HECTD4: variants seen among roughly 807,000 people sequenced by gnomAD.
HECTD4 encodes the protein HECT domain E3 ubiquitin protein ligase 4.
HECTD4 carries 114 observed loss-of-function variants against 471.5 expected under a neutral mutation model. The observed-to-expected ratio is 0.24, with a 90% CI of 0.21 to 0.28. The LOEUF (loss-of-function observed/expected upper bound fraction) is 0.28, where lower values mean the gene tolerates loss of function less well. Among genes scored for constraint, HECTD4 ranks in the 10% least tolerant of loss-of-function variants. HECTD4 has a pLI of 1.00. For missense variants in HECTD4, 3,866 were observed against 5,651.5 expected (o/e 0.68, Z 10.13); for synonymous variants, 2,012 against 2,256.0 (o/e 0.89, Z 3.07).
chr12:112,192,093 G>A (rs1349672935), intron 59 of HECTD4, among the ~76,000 whole-genome samples: 1 of 152,160 alleles, frequency 6.6e-6, no homozygotes. Flanking sequence ...AACGATGGAG[G>A]CTTCAAAAAA....
chr12:112,378,314 G>A (rs541161765), intron 1 of HECTD4, among the ~76,000 whole-genome samples: 2 of 152,156 alleles, frequency 1.3e-5, no homozygotes, highest in African/African-American at 4.8e-5. Flanking sequence ...CGCCTCCCGG[G>A]TTCACACCAT....
At chr12:112,299,562 G>T (rs575716917) in intron 7 of HECTD4, among the ~76,000 whole-genome samples, 38 of 152,230 alleles carry the variant, frequency 2.5e-4, no homozygotes, top group Admixed American at 1.6e-3. Flanking sequence ...GTCTGAGGCT[G>T]CAGTGAGCCG....
intron 41 of HECTD4, 136 bp downstream of exon 41, chr12:112,229,561 AT>A: frequency 1.2e-6 from 1 of 821,014 alleles, no homozygotes; most frequent in Non-Finnish European, 2.0e-6. Context: ...AATTTCTCAG[AT>A]TCCTTATTTA....
chr12:112,171,415 C>A, intron 67 of HECTD4, 152 bp from the exon 68 acceptor site: 5 of 1,259,956 alleles, frequency 4.0e-6, no homozygotes, highest in Non-Finnish European at 5.4e-6. Context: ...GAGCGGCCCC[C>A]AATGTGCCTG....
At chr12:112,368,480 A>G (rs1451998595) in intron 1 of HECTD4, among the ~76,000 whole-genome samples, 3 of 152,228 alleles carry the variant, frequency 2.0e-5, no homozygotes, top group African/African-American at 7.2e-5. Context: ...AATTGATATT[A>G]TCTTTAAATA....
intron 54 of HECTD4, chr12:112,201,043 T>A (rs568180488): frequency 1.5e-4 from 87 of 566,344 alleles, no homozygotes; most frequent in Non-Finnish European, 2.2e-4. Flanking sequence ...AAACTTGCTA[T>A]GTGCTTTTCT....
rs1299969168 is a variant in HECTD4 at position 112,243,325 on chromosome 12, A to C, written c.4958+28T>G. ...AATGGCTCTGACCATTCTAGAAAGG[A>C]CAGTATAAACTAACAGAAACAACTA... On this transcript the variant is annotated intron_variant, in intron 32 of 75. Transcript: ENST00000682272. This position sits in a 1 kb window ranked among gnomAD's most constrained non-coding sequence, Gnocchi z 6.6. 2.5e-6 allele frequency: 4 copies of C among 1,595,918 alleles called. No individual in the cohort carries two copies. Among genetic ancestry groups the C allele is most frequent in the Non-Finnish European group, 3.4e-6 (4 of 1,168,242 alleles).
intron 1 of HECTD4, among the ~76,000 whole-genome samples, chr12:112,332,394 G>A (rs185473759): frequency 6.6e-6 from 1 of 151,864 alleles, no homozygotes; most frequent in Admixed American, 6.6e-5. Flanking sequence ...AAAATTAGCC[G>A]GTCCTGGTGG....
At chr12:112,168,002 G>GCAGC in intron 70 of HECTD4, 85 bp from the exon 71 acceptor site, 1 of 1,110,626 alleles carries the variant, frequency 9.0e-7, no homozygotes, top group Non-Finnish European at 1.4e-6. Flanking sequence ...GCTGGCTGGA[G>GCAGC]CGGCTACTCC....
At chr12:112,375,882 A>C (rs1029303706) in intron 1 of HECTD4, among the ~76,000 whole-genome samples, 1 of 151,796 alleles carries the variant, frequency 6.6e-6, no homozygotes, top group Non-Finnish European at 1.5e-5. Flanking sequence ...CACCCTGGCC[A>C]ATATGGCGAA....
At chr12:112,279,529 TAAG>T in intron 8 of HECTD4, 143 bp from the exon 9 acceptor site, 1 of 691,322 alleles carries the variant, frequency 1.4e-6, no homozygotes, top group Non-Finnish European at 2.3e-6. Flanking sequence ...GAAAACAGAA[TAAG>T]AAGTAATAGC....
intron 1 of HECTD4, among the ~76,000 whole-genome samples, chr12:112,358,979 T>C (rs985030579): frequency 6.6e-6 from 1 of 152,014 alleles, no homozygotes; most frequent in African/African-American, 2.4e-5. Context: ...ATCAAGACCA[T>C]CCTGGCTAAC....
chr12:112,313,263 T>A, intron 3 of HECTD4, 116 bp from the exon 4 acceptor site: 1 of 588,554 alleles, frequency 1.7e-6, no homozygotes, highest in Non-Finnish European at 2.6e-6. Context: ...TGTATAATAT[T>A]TTATACAAAT....
At chr12:112,255,032 C>T (rs1043689652) in intron 21 of HECTD4, among the ~76,000 whole-genome samples, 1 of 152,212 alleles carries the variant, frequency 6.6e-6, no homozygotes, top group African/African-American at 2.4e-5. Flanking sequence ...GGGCCTTTTG[C>T]TGACACCAGC....
intron 7 of HECTD4, among the ~76,000 whole-genome samples, chr12:112,297,319 G>A (rs369891941): frequency 1.3e-5 from 2 of 151,752 alleles, no homozygotes; most frequent in African/African-American, 4.8e-5. Flanking sequence ...GTGGATGTAG[G>A]TGCAGAGGGT....
At chr12:112,222,895 G>A (rs1200847438) in intron 44 of HECTD4, among the ~76,000 whole-genome samples, 2 of 152,124 alleles carry the variant, frequency 1.3e-5, no homozygotes, top group Non-Finnish European at 1.5e-5. Flanking sequence ...CAGGGAACTC[G>A]GGAAGGAGAG....
At chr12:112,182,711 T>C (rs2031721475) in intron 62 of HECTD4, among the ~76,000 whole-genome samples, 1 of 152,250 alleles carries the variant, frequency 6.6e-6, no homozygotes, top group African/African-American at 2.4e-5. Context: ...CCACCCCTGG[T>C]AGCCTCTCCA....
chr12:112,361,461 A>G (rs1202123770), intron 1 of HECTD4, among the ~76,000 whole-genome samples: 1 of 151,388 alleles, frequency 6.6e-6, no homozygotes, highest in Non-Finnish European at 1.5e-5. Flanking sequence ...TTTTGTAGAG[A>G]TAGGGTCTCA....
At position 112,382,386 on chromosome 12, in the gene HECTD4, G is replaced by A. The variant is rs2036915459; in HGVS notation, c.-258C>T. ...CTCAGGAGCAGGATCCGCCTCTGCC[G>A]CTCGGCAACCAACTGTCAGTGAGAC... On this transcript the variant is annotated 5_prime_UTR_variant, in exon 1 of 76. Transcript: ENST00000682272. The A allele has an allele frequency of 2.0e-5, 7 of 342,298 alleles. 1 individual carries two copies. Among genetic ancestry groups the A allele is most frequent in the South Asian group, 5.3e-5 (1 of 19,036 alleles). 21.2% of individuals were successfully genotyped at this position (342,298 alleles called of 1,614,324 possible). A position where few individuals can be genotyped will look rare whatever the true frequency, so the allele number is the denominator to read the frequency against.
Sources: gnomAD v4.1 joint callset for allele counts (sites outside exome capture counted in the v4.1 genomes callset) on GRCh38, gnomAD v4.1.1 for gene constraint, Gnocchi (gnomAD v3.1) non-coding constraint, MANE v1.5 for transcripts, NCBI Gene and HGNC (gene_info 2026-07-23, HGNC 2026-07-21) for gene names.